The following PCYT1A variants were observed in gnomAD, a reference collection of about 807,000 sequenced individuals.
PCYT1A encodes phosphate cytidylyltransferase 1A, choline, also known as choline-phosphate cytidylyltransferase A.
In PCYT1A, 25 loss-of-function variants were observed where a neutral mutation model predicts 43.7. The observed-to-expected ratio is 0.57, with a 90% confidence interval of 0.42 to 0.80. The LOEUF is 0.80. Among genes scored for constraint, PCYT1A ranks in the 30% least tolerant of loss-of-function variants. The pLI is 0.00. For missense variants in PCYT1A, 421 were observed against 474.2 expected (o/e 0.89, Z 1.04); for synonymous variants, 172 against 170.7 (o/e 1.01, Z -0.06).
chr3:196,265,094 C>T (rs921088533), intron 2 of PCYT1A, among the ~76,000 whole-genome samples: 2 of 151,672 alleles, frequency 1.3e-5, no homozygotes, highest in African/African-American at 2.4e-5. Flanking sequence ...GACAGAGTCT[C>T]GCTTTGTTGC....
rs1725513405 is a variant in PCYT1A at position 196,273,905 on chromosome 3, TCCTGCTGTCATCAA to T, written c.-10-3378_-10-3365del. Among the ~76,000 whole-genome samples the T allele has an allele frequency of 6.6e-6, 1 of 152,232 alleles. No homozygotes were observed. Among genetic ancestry groups the T allele is most frequent in the Admixed American group, 6.5e-5 (1 of 15,284 alleles). On this transcript the variant is annotated intron_variant, in intron 1 of 8. Coordinates refer to ENST00000431016, the MANE Select transcript of PCYT1A (RefSeq NM_001312673.2). The surrounding 1 kb of genome is among the most constrained non-coding windows in gnomAD (Gnocchi z 4.1). ...ATTTCCGCCTAGGAGCCTGTCTGCC[TCCTGCTGTCATCAA>T]CCTGCTGTCCACAGCGCCCAGGCTA...
At chr3:196,267,178 C>CAAAAAA in intron 2 of PCYT1A, 2 of 190,864 alleles carry the variant, frequency 1.0e-5, no homozygotes, top group South Asian at 3.8e-5. Context: ...GACTCAGTCT[C>CAAAAAA]AAAAAAAAAA....
At position 196,283,457 on chromosome 3, in the gene PCYT1A, A is replaced by G. The variant is rs188711444; in HGVS notation, c.-11+4158T>C. 496 of 152,324 alleles carry G rather than the reference A, an allele frequency of 3.3e-3. 2 individuals carry two copies. Among genetic ancestry groups the G allele is most frequent in the African/African-American group, 0.011 (449 of 41,584 alleles). 9.4% of individuals were successfully genotyped at this position (152,324 alleles called of 1,614,324 possible). Reference sequence around the variant, plus strand: ...GTAATTCAATTATTTACATTAATGAATAAGGTAGGTAACAAACCTAAAAGA... The same window carrying G: ...GTAATTCAATTATTTACATTAATGAGTAAGGTAGGTAACAAACCTAAAAGA... On this transcript the variant is annotated intron_variant, in intron 1 of 8. Coordinates refer to ENST00000431016, the MANE Select transcript of PCYT1A (RefSeq NM_001312673.2).
At chr3:196,276,942 A>AAAAAAGG (rs968169019) in intron 1 of PCYT1A, among the ~76,000 whole-genome samples, 1 of 151,984 alleles carries the variant, frequency 6.6e-6, no homozygotes, top group Non-Finnish European at 1.5e-5. Context: ...TCTCAAAAAA[A>AAAAAAGG]AAAAAGGCCA....
chr3:196,259,624 G>A (rs1010574353), intron 2 of PCYT1A, among the ~76,000 whole-genome samples: 1 of 151,964 alleles, frequency 6.6e-6, no homozygotes, highest in Admixed American at 6.6e-5. Context: ...CTGGTGGATT[G>A]CTTGAGCCCA....
intron 3 of PCYT1A, among the ~76,000 whole-genome samples, chr3:196,256,592 T>G (rs1560169150): frequency 6.6e-6 from 1 of 152,062 alleles, no homozygotes; most frequent in Non-Finnish European, 1.5e-5. Flanking sequence ...CAGGCTGGAG[T>G]ACAGTGGCAT....
rs1360577154 is a variant in PCYT1A at position 196,236,631 on chromosome 3, AGTT to A, written c.*2054_*2056del. On this transcript the variant is annotated 3_prime_UTR_variant, in exon 9 of 9. Coordinates refer to ENST00000431016, the MANE Select transcript of PCYT1A (RefSeq NM_001312673.2). Reference sequence around the variant, plus strand: ...GTGATCCAAGTTTTGTTTTTTTTCTAGTTGATTATTTCTCTTTATTTCTGTATG... The same window carrying A: ...GTGATCCAAGTTTTGTTTTTTTTCTAGATTATTTCTCTTTATTTCTGTATG... 6.6e-6 allele frequency: 1 copy of A among 151,232 alleles called. No homozygotes were observed. The highest frequency in any genetic ancestry group is 2.4e-5 in the African/African-American group (1 of 41,066). 9.4% of individuals were successfully genotyped at this position (151,232 alleles called of 1,614,324 possible).
Position 196,238,821 on chromosome 3 carries a change from G to A in PCYT1A, c.971C>T (p.Pro324Leu). ...ISPKQSPSSS[P>L]TRERSPSPSF... ...GGGGGAGGGGGAGCGCTCGCGAGTA[G>A]GGCTGCTGCTGGGGCTCTGCTTCGG... The change falls in exon 9 of 9, where the codon CCT (proline) becomes CTT (leucine). Residue 324 changes from proline to leucine, a missense_variant. By Grantham distance (98) the Pro-to-Leu change is moderately conservative (BLOSUM62 -3). Around this residue, in one of 3 missense-constraint regions of PCYT1A, gnomAD observed 108 missense variants for 85.7 expected, o/e 1.26. Coordinates refer to ENST00000431016, the MANE Select transcript of PCYT1A (RefSeq NM_001312673.2). 1 of 1,571,352 alleles carries A rather than the reference G, an allele frequency of 6.4e-7. No individual in the cohort carries two copies. Among genetic ancestry groups the A allele is most frequent in the Non-Finnish European group, 8.6e-7 (1 of 1,159,624 alleles).
chr3:196,279,470 T>C (rs911289795), intron 1 of PCYT1A, among the ~76,000 whole-genome samples: 3 of 152,164 alleles, frequency 2.0e-5, no homozygotes, highest in Non-Finnish European at 4.4e-5. Context: ...AGTACATTAG[T>C]GTCTCCAAAG....
chr3:196,241,311 A>G (rs1724345163), intron 7 of PCYT1A: 1 of 148,182 alleles, frequency 6.7e-6, no homozygotes, highest in East Asian at 2.0e-4. Context: ...AGAAAGAAAC[A>G]CTACATATAT....
Position 196,241,771 on chromosome 3 carries a change from C to T in PCYT1A, c.708+177G>A, listed in dbSNP as rs571913178. 5.0e-5 allele frequency: 60 copies of T among 1,196,850 alleles called. No individual in the cohort carries two copies. In the African/African-American group the frequency reaches 5.7e-4, roughly 11 times the overall value. The allele number at this position is 1,196,850 out of a possible 1,614,324, so 74.1% of individuals were successfully genotyped here. A position where few individuals can be genotyped will look rare whatever the true frequency, so the allele number is the denominator to read the frequency against. On this transcript the variant is annotated intron_variant, in intron 7 of 8. Coordinates refer to ENST00000431016, the MANE Select transcript of PCYT1A (RefSeq NM_001312673.2). The stretch of plus-strand genomic sequence containing the variant: ...CGAATGTGTTGGTACCAGACCGTAA[C>T]GGCAGAAACTGTCTGTTTCATTCTT...
intron 2 of PCYT1A, among the ~76,000 whole-genome samples, chr3:196,269,867 T>G (rs77253643): frequency 0.033 from 5,008 of 152,114 alleles, 274 homozygotes; most frequent in African/African-American, 0.11. Flanking sequence ...ATTTATTTGT[T>G]TATTTACTTT....
intron 3 of PCYT1A, chr3:196,251,752 A>G (rs1724796420): frequency 6.6e-6 from 1 of 152,264 alleles, no homozygotes; most frequent in Non-Finnish European, 1.5e-5. Flanking sequence ...GTGGGAGGAT[A>G]TATAAACAAT....
Position 196,238,498 on chromosome 3 carries a change from C to T in PCYT1A, c.*190G>A, listed in dbSNP as rs780908564. 1.7e-4 allele frequency: 70 copies of T among 422,594 alleles called. No individual in the cohort carries two copies. The highest frequency in any genetic ancestry group is 2.9e-4 in the African/African-American group (14 of 48,816). The allele number at this position is 422,594 out of a possible 1,614,324, so 26.2% of individuals were successfully genotyped here. A position where few individuals can be genotyped will look rare whatever the true frequency, so the allele number is the denominator to read the frequency against. On this transcript the variant is annotated 3_prime_UTR_variant, in exon 9 of 9. Transcript: ENST00000431016. ...CTTCTAAGGTGCAGTCCCCCTCCTT[C>T]GTGTGGGTGAGTGATGTCACTTGCA...
chr3:196,262,984 A>G (rs947223633), intron 2 of PCYT1A, among the ~76,000 whole-genome samples: 8 of 151,952 alleles, frequency 5.3e-5, no homozygotes, highest in African/African-American at 1.9e-4. Context: ...TAGTAGAGAC[A>G]GGGTTTCGCG....
chr3:196,243,924 T>A (rs1414275026), intron 5 of PCYT1A, among the ~76,000 whole-genome samples: 3 of 152,134 alleles, frequency 2.0e-5, no homozygotes, highest in Non-Finnish European at 4.4e-5. Flanking sequence ...CCTCCCAAAG[T>A]GCTGAGACTG....
chr3:196,286,930 A>G (rs1303179110), intron 1 of PCYT1A, among the ~76,000 whole-genome samples: 1 of 152,218 alleles, frequency 6.6e-6, no homozygotes, highest in Non-Finnish European at 1.5e-5. Context: ...GAAAAAGAAA[A>G]AAAGTACAGG....
At chr3:196,258,353 G>A (rs1364467000) in intron 2 of PCYT1A, among the ~76,000 whole-genome samples, 1 of 151,818 alleles carries the variant, frequency 6.6e-6, no homozygotes, top group Non-Finnish European at 1.5e-5. Flanking sequence ...GTTGTGAATG[G>A]AATTGTTTTC....
In PCYT1A at chr3:196,237,168, G is replaced by A. The variant is rs1724190858; in HGVS notation, c.*1520C>T. The A allele has an allele frequency of 6.6e-6, 1 of 152,222 alleles. No homozygotes were observed. 9.4% of individuals were successfully genotyped at this position (152,222 alleles called of 1,614,324 possible). A position where few individuals can be genotyped will look rare whatever the true frequency, so the allele number is the denominator to read the frequency against. ...ACACTAAAATTCCACCCCCACAAGG[G>A]GTATTTATGAGTGACAGGGGTGGGG... On this transcript the variant is annotated 3_prime_UTR_variant, in exon 9 of 9. Coordinates refer to ENST00000431016, the MANE Select transcript of PCYT1A (RefSeq NM_001312673.2).
Sources: allele counts gnomAD v4.1 joint callset (sites outside exome capture counted in the v4.1 genomes callset), GRCh38; gene constraint gnomAD v4.1.1; regional missense constraint gnomAD v4.1.1; non-coding constraint Gnocchi (gnomAD v3.1); transcripts MANE v1.5; gene names NCBI Gene and HGNC (gene_info 2026-07-23, HGNC 2026-07-21).